Variants in LMX1B observed in about 807,000 individuals in gnomAD.
LMX1B encodes the protein LIM homeobox transcription factor 1-beta.
LMX1B carries 12 observed loss-of-function variants against 51.4 expected under a neutral mutation model. That is an observed-to-expected ratio of 0.23 (90% confidence interval 0.15 to 0.38). The LOEUF (loss-of-function observed/expected upper bound fraction) is 0.38, where lower values mean the gene tolerates loss of function less well. Among genes scored for constraint, LMX1B ranks in the 10% least tolerant of loss-of-function variants. The probability of loss-of-function intolerance (pLI) is 1.00; values close to 1 mark genes in which losing one functional copy is unlikely to be tolerated. For synonymous variants in LMX1B, 237 were observed against 235.4 expected (o/e 1.01, Z -0.06); for missense variants, 445 against 571.1 (o/e 0.78, Z 2.25).
At chr9:126,636,673 G>A (rs753416336) in intron 2 of LMX1B, among the ~76,000 whole-genome samples, 3 of 152,188 alleles carry the variant, frequency 2.0e-5, no homozygotes, top group Non-Finnish European at 4.4e-5. Context: ...TAGTGCACAC[G>A]ACTGCAAGTA....
Position 126,650,717 on chromosome 9 carries a change from G to T in LMX1B, c.326+35148G>T, listed in dbSNP as rs116164540. ...GTGTGGCCGGGGCAGGCAGGAGCCC[G>T]CTAGGAGCCTCCAAGCCGCTGGAAG... On this transcript the variant is annotated intron_variant, in intron 2 of 7. Transcript: ENST00000373474. Among the ~76,000 whole-genome samples, 422 of 152,320 alleles carry T rather than the reference G, an allele frequency of 2.8e-3. 3 individuals are homozygous for T. The highest frequency in any genetic ancestry group is 9.5e-3 in the African/African-American group (396 of 41,564).
At chr9:126,654,032 C>G (rs1836067683) in intron 2 of LMX1B, among the ~76,000 whole-genome samples, 1 of 152,178 alleles carries the variant, frequency 6.6e-6, no homozygotes, top group Non-Finnish European at 1.5e-5. Flanking sequence ...CTGCCATACC[C>G]CGATCCCCTA....
At chr9:126,651,417 G>GA (rs1255039745) in intron 2 of LMX1B, among the ~76,000 whole-genome samples, 1 of 151,672 alleles carries the variant, frequency 6.6e-6, no homozygotes, top group Non-Finnish European at 1.5e-5. Flanking sequence ...GGCACAGGGG[G>GA]CGGGGGTCAG....
At chr9:126,666,624 TGCTTTACGTACGC>T (rs1334090836) in intron 2 of LMX1B, among the ~76,000 whole-genome samples, 3 of 152,216 alleles carry the variant, frequency 2.0e-5, no homozygotes, top group South Asian at 2.1e-4. Context: ...TTTACGTACG[TGCTTTACGTACGC>T]ATGTTCTATG....
chr9:126,688,012 A>T (rs2029972787), intron 2 of LMX1B, among the ~76,000 whole-genome samples: 3 of 152,150 alleles, frequency 2.0e-5, no homozygotes, highest in African/African-American at 7.2e-5. Context: ...TATTTCATGC[A>T]TCCCCCCCGA....
chr9:126,667,266 C>T (rs113569779), intron 2 of LMX1B, among the ~76,000 whole-genome samples: 144 of 152,330 alleles, frequency 9.5e-4, no homozygotes, highest in African/African-American at 2.9e-3. Flanking sequence ...CTTAGCAACA[C>T]GCTGAGAACA....
chr9:126,664,525 CTG>C (rs1690034283), intron 2 of LMX1B, among the ~76,000 whole-genome samples: 1 of 152,230 alleles, frequency 6.6e-6, no homozygotes, highest in South Asian at 2.1e-4. Context: ...CTTCCCTTGT[CTG>C]TAGAATGGGA....
chr9:126,690,646 A>G (rs566730603), intron 2 of LMX1B, among the ~76,000 whole-genome samples, 190 bp from the exon 3 acceptor site: 306 of 152,298 alleles, frequency 2.0e-3, no homozygotes, highest in African/African-American at 7.0e-3. Context: ...CCCCAGGGCC[A>G]CTGGGGGCCT....
intron 2 of LMX1B, among the ~76,000 whole-genome samples, chr9:126,630,286 C>G (rs546268072): frequency 3.7e-4 from 57 of 152,200 alleles, no homozygotes; most frequent in African/African-American, 1.3e-3. Context: ...AGCACAGAGT[C>G]AGCATCTGCG....
At chr9:126,681,414 C>T (rs1242768677) in intron 2 of LMX1B, among the ~76,000 whole-genome samples, 2 of 152,172 alleles carry the variant, frequency 1.3e-5, no homozygotes, top group Non-Finnish European at 2.9e-5. Flanking sequence ...GATGCTCAGC[C>T]AGGAGATCTG....
Position 126,624,016 on chromosome 9 carries a change from A to C in LMX1B, c.326+8447A>C, listed in dbSNP as rs548048121. 2.0e-5 allele frequency among the ~76,000 whole-genome samples: 3 copies of C among 152,306 alleles called. No homozygotes were observed. The South Asian group carries it at 6.2e-4, about 32-fold the overall frequency. ...GAGCCGCGGGCACCAGCGGCGGTTG[A>C]TGAATTTCGGTGTCACCAGGGGTTT... On this transcript the variant is annotated intron_variant, in intron 2 of 7. Transcript: ENST00000373474.
chr9:126,696,085 C>G (rs1221507335), intron 7 of LMX1B, 82 bp downstream of exon 7: 2 of 1,319,576 alleles, frequency 1.5e-6, no homozygotes, highest in Admixed American at 4.7e-5. Context: ...GCCAGGACAG[C>G]CACCTGCTGC....
In LMX1B at chr9:126,699,655, G is replaced by A. The variant is rs1439550938; in HGVS notation, c.*3204G>A. 6.6e-6 allele frequency: 1 copy of A among 152,310 alleles called. No individual in the cohort carries two copies. The highest frequency in any genetic ancestry group is 1.5e-5 in the Non-Finnish European group (1 of 68,140). 9.4% of individuals were successfully genotyped at this position (152,310 alleles called of 1,614,324 possible). A position where few individuals can be genotyped will look rare whatever the true frequency, so the allele number is the denominator to read the frequency against. ...AACAAGATGCAGGGCCTGCCTTGAG[G>A]GGTGTCTCCTAGAAGGAAAGCCAGA... On this transcript the variant is annotated 3_prime_UTR_variant, in exon 8 of 8. Transcript: ENST00000373474.
In LMX1B at chr9:126,696,535, G is replaced by C. The variant is rs970759713; in HGVS notation, c.*84G>C. On this transcript the variant is annotated 3_prime_UTR_variant, in exon 8 of 8. Transcript: ENST00000373474. ...CGGCCAGCCTGGCCACCCCCGCCCT[G>C]CTCTCCGCACAGACTACAGACAGCC... 5.3e-6 allele frequency: 8 copies of C among 1,506,892 alleles called. No individual in the cohort carries two copies. Among genetic ancestry groups the C allele is most frequent in the Non-Finnish European group, 7.4e-6 (8 of 1,087,526 alleles). The allele number at this position is 1,506,892 out of a possible 1,614,324, so 93.3% of individuals were successfully genotyped here.
At chr9:126,642,278 C>T (rs1835823840) in intron 2 of LMX1B, among the ~76,000 whole-genome samples, 1 of 152,132 alleles carries the variant, frequency 6.6e-6, no homozygotes, top group South Asian at 2.1e-4. Context: ...AGTGAAGTCC[C>T]CAGATCCTGT....
chr9:126,690,964 A>G lies in LMX1B; in HGVS notation c.455A>G (p.Lys152Arg), dbSNP rs1365605384. 6.2e-7 allele frequency: 1 copy of G among 1,613,934 alleles called. No individual in the cohort carries two copies. Among genetic ancestry groups the G allele is most frequent in the Non-Finnish European group, 8.5e-7 (1 of 1,179,978 alleles). Residue 152 changes from lysine to arginine, a missense_variant, in exon 3 of 8, where the codon AAG becomes AGG. Physicochemically the swap from Lys to Arg is conservative, Grantham distance 26. Coordinates refer to ENST00000373474, the MANE Select transcript of LMX1B (RefSeq NM_001174147.2). ...CCCVCERQLR[K>R]GDEFVLKEGQ... ...TGCGTGTGTGAACGGCAGCTACGCA[A>G]GGGCGACGAATTCGTGCTCAAGGAG...
chr9:126,637,841 G>A (rs1468424471), intron 2 of LMX1B, among the ~76,000 whole-genome samples: 8 of 42,262 alleles, frequency 1.9e-4, no homozygotes, highest in South Asian at 2.2e-3. Context: ...CCCGCCCCCC[G>A]CTCTCTGTAC....
At chr9:126,638,272 TCCCAACAGGTGTG>T (rs1011766520) in intron 2 of LMX1B, among the ~76,000 whole-genome samples, 3 of 152,096 alleles carry the variant, frequency 2.0e-5, no homozygotes, top group African/African-American at 4.8e-5. Flanking sequence ...TGCCCATCTC[TCCCAACAGGTGTG>T]CCCTGACAGG....
intron 2 of LMX1B, among the ~76,000 whole-genome samples, chr9:126,642,436 C>G (rs1835826361): frequency 6.6e-6 from 1 of 152,184 alleles, no homozygotes; most frequent in African/African-American, 2.4e-5. Flanking sequence ...CACCCACACT[C>G]CCACTTCCCC....
Sources: allele counts gnomAD v4.1 joint callset (sites outside exome capture counted in the v4.1 genomes callset), GRCh38; gene constraint gnomAD v4.1.1; transcripts MANE v1.5; gene names NCBI Gene and HGNC (gene_info 2026-07-23, HGNC 2026-07-21).